FSCN3: variants seen among roughly 807,000 people sequenced by gnomAD.
FSCN3 encodes fascin actin-bundling protein 3, also known as fascin-3.
In FSCN3, 43 loss-of-function variants were observed where a neutral mutation model predicts 53.5. The ratio of observed to expected loss-of-function variants is 0.80; its 90% CI spans 0.63 to 1.04. The LOEUF (loss-of-function observed/expected upper bound fraction) is 1.04, where lower values mean the gene tolerates loss of function less well. Among genes scored for constraint, FSCN3 ranks in the 50% least tolerant of loss-of-function variants. The probability of loss-of-function intolerance (pLI) is 0.00; values close to 1 mark genes in which losing one functional copy is unlikely to be tolerated. For missense variants in FSCN3, 594 were observed against 646.5 expected, an observed-to-expected ratio of 0.92 and a Z score of 0.88; for synonymous variants, 235 against 246.6, an observed-to-expected ratio of 0.95 and a Z score of 0.44.
rs774950391 is a variant in FSCN3, at chr7:127,595,250, C to T, written c.145-57C>T. 21 of 1,498,098 alleles carry T rather than the reference C, an allele frequency of 1.4e-5. 1 individual carries two copies. In the East Asian group the frequency reaches 4.5e-4, roughly 32 times the overall value. 92.8% of individuals were successfully genotyped at this position (1,498,098 alleles called of 1,614,324 possible). A position where few individuals can be genotyped will look rare whatever the true frequency, so the allele number is the denominator to read the frequency against. ...ACCAGCCATGACAGTTGCAGGGCTCCTTGGTCTGGTAACTTCGTGATACTG... is the reference window on the plus strand; with the variant it reads ...ACCAGCCATGACAGTTGCAGGGCTCTTTGGTCTGGTAACTTCGTGATACTG... On this transcript the variant is annotated intron_variant, in intron 1 of 6. Coordinates refer to ENST00000265825, the MANE Select transcript of FSCN3 (RefSeq NM_020369.3).
intron 1 of FSCN3, 102 bp from the exon 2 acceptor site, chr7:127,595,205 G>A: frequency 1.0e-6 from 1 of 968,708 alleles, no homozygotes; most frequent in Non-Finnish European, 1.5e-6. Context: ...GGCTGGTGCT[G>A]ATGAAGGTGC....
chr7:127,597,627 C>T (rs753640760), intron 3 of FSCN3, among the ~76,000 whole-genome samples: 11 of 151,964 alleles, frequency 7.2e-5, no homozygotes, highest in Non-Finnish European at 1.6e-4. Context: ...TACAGGCATG[C>T]GCCACCATGC....
chr7:127,594,886 G>T, intron 1 of FSCN3: 1 of 475,006 alleles, frequency 2.1e-6, no homozygotes, highest in African/African-American at 2.0e-5. Flanking sequence ...GTCTTGCCAT[G>T]CTGGAAGGCA....
In FSCN3 at chr7:127,596,448, T is replaced by TCTCACCTGGGATA; in HGVS notation, c.960+2_960+3insCTCACCTGGGATA. On this transcript the variant is annotated splice_region_variant and intron_variant, in intron 3 of 6. Coordinates refer to ENST00000265825, the MANE Select transcript of FSCN3 (RefSeq NM_020369.3). Reference sequence around the variant, plus strand: ...GCCAATGGCTACTACCTATCCCAGGTGAGACCTTGGCTTCCTGAGCAAGAG... The same window carrying TCTCACCTGGGATA: ...GCCAATGGCTACTACCTATCCCAGGTCTCACCTGGGATAGAGACCTTGGCTTCCTGAGCAAGAG... The TCTCACCTGGGATA allele has an allele frequency of 7.0e-7, 1 of 1,423,504 alleles. No homozygotes were observed. Among genetic ancestry groups the TCTCACCTGGGATA allele is most frequent in the Non-Finnish European group, 9.9e-7 (1 of 1,006,904 alleles). 88.2% of individuals were successfully genotyped at this position (1,423,504 alleles called of 1,614,324 possible).
chr7:127,601,371 T>A (rs1794472890), intron 6 of FSCN3, among the ~76,000 whole-genome samples: 1 of 152,240 alleles, frequency 6.6e-6, no homozygotes, highest in African/African-American at 2.4e-5. Flanking sequence ...CCCTTCCTAA[T>A]GGACCTCACT....
At chr7:127,598,342 A>T (rs1794421426) in intron 3 of FSCN3, 93 bp from the exon 4 acceptor site, 2 of 1,166,620 alleles carry the variant, frequency 1.7e-6, no homozygotes, top group Admixed American at 3.5e-5. Flanking sequence ...GATGAGTGGG[A>T]TGTGGGAAGA....
chr7:127,594,512 G>A (rs111384868), intron 1 of FSCN3: 1 of 470,778 alleles, frequency 2.1e-6, no homozygotes, highest in Non-Finnish European at 4.4e-6. Flanking sequence ...GGTTGTGTCA[G>A]AAAGAAGAGA....
intron 5 of FSCN3, 73 bp downstream of exon 5, chr7:127,599,624 G>T: frequency 7.1e-7 from 1 of 1,410,874 alleles, no homozygotes; most frequent in Non-Finnish European, 9.8e-7. Flanking sequence ...AGACTTCAGG[G>T]CCTGCCACTC....
rs756601854 is a variant in FSCN3, at chr7:127,595,576, C to A, written c.414C>A (p.Pro138=). Residue 138 remains proline (P), a synonymous_variant, in exon 2 of 7, where the codon CCC becomes CCA. Coordinates refer to ENST00000265825, the MANE Select transcript of FSCN3 (RefSeq NM_020369.3). ...HVLSAYHMWT[P]RPALHVHVIL... ...TCTCAGCTTACCACATGTGGACCCC[C>A]CGACCAGCCCTCCATGTCCACGTGA... is the stretch of plus-strand genomic sequence containing the variant. 3.1e-6 allele frequency: 5 copies of A among 1,614,080 alleles called. No homozygotes were observed. The South Asian group carries it at 4.4e-5, about 14-fold the overall frequency.
In FSCN3 at chr7:127,595,575, C is replaced by T. The variant is rs746225861; in HGVS notation, c.413C>T (p.Pro138Leu). Residue 138 changes from proline (P) to leucine (L), a missense_variant, in exon 2 of 7, where the codon CCC becomes CTC. Coordinates refer to ENST00000265825, the MANE Select transcript of FSCN3 (RefSeq NM_020369.3). ...HVLSAYHMWT[P>L]RPALHVHVIL... The stretch of plus-strand genomic sequence containing the variant: ...CTCTCAGCTTACCACATGTGGACCC[C>T]CCGACCAGCCCTCCATGTCCACGTG... The T allele has an allele frequency of 2.5e-6, 4 of 1,614,068 alleles. No individual in the cohort carries two copies. The African/African-American group carries it at 4.0e-5, about 16-fold the overall frequency.
chr7:127,596,574 C>A, intron 3 of FSCN3, 128 bp downstream of exon 3: 3 of 471,700 alleles, frequency 6.4e-6, no homozygotes, highest in South Asian at 5.0e-5. Context: ...TGTTGATAAA[C>A]ATTCATTTTC....
Position 127,599,466 on chromosome 7 carries a change from G to A in FSCN3, c.1206G>A (p.Ser402=), listed in dbSNP as rs146973835. 14 of 1,613,972 alleles carry A rather than the reference G, an allele frequency of 8.7e-6. No individual in the cohort carries two copies. Among genetic ancestry groups the A allele is most frequent in the African/African-American group, 1.3e-5 (1 of 74,992 alleles). The part of the protein sequence containing the change: ...RGRYGYVGSS[S]GHDLIQCNQD... ...GTTATGGCTATGTGGGCTCCTCATC[G>A]GGCCATGACCTCATACAGTGCAACC... The change falls in exon 5 of 7, where the codon TCG becomes TCA. Residue 402 remains serine (S), a synonymous_variant. Transcript: ENST00000265825.
At position 127,594,067 on chromosome 7, in the gene FSCN3, CGCGTGTGTGT is replaced by C; in HGVS notation, c.144+76_144+85del. 7.3e-6 allele frequency: 11 copies of C among 1,513,484 alleles called. No individual in the cohort carries two copies. The South Asian group carries it at 1.1e-4, about 15-fold the overall frequency. 93.8% of individuals were successfully genotyped at this position (1,513,484 alleles called of 1,614,324 possible). ...AGCTGTGTGTGTGTGTGTGCGCGCG[CGCGTGTGTGT>C]GCGTGAGTGTATGTGTGTGTGTGTG... On this transcript the variant is annotated intron_variant, in intron 1 of 6. Coordinates refer to ENST00000265825, the MANE Select transcript of FSCN3 (RefSeq NM_020369.3).
In FSCN3 at chr7:127,599,429, T is replaced by C. The variant is rs188307221; in HGVS notation, c.1169T>C (p.Val390Ala). ...TTATTTGCCAATCGCTCCTTCCTTG[T>C]ATTGCGAGGTCGTTATGGCTATGTG... is the stretch of plus-strand genomic sequence containing the variant. ...GILFANRSFL[V>A]LRGRYGYVGS... Residue 390 changes from valine (V) to alanine (A), a missense_variant, in exon 5 of 7, where the codon GTA becomes GCA. By Grantham distance (64) the Val-to-Ala change is moderately conservative (BLOSUM62 0). Transcript: ENST00000265825. The C allele has an allele frequency of 1.2e-5, 19 of 1,614,026 alleles. No homozygotes were observed. The highest frequency in any genetic ancestry group is 1.6e-4 in the Middle Eastern group (1 of 6,062).
chr7:127,596,144 A>T, intron 2 of FSCN3, 141 bp downstream of exon 2: 1 of 1,494,394 alleles, frequency 6.7e-7, no homozygotes, highest in Non-Finnish European at 8.9e-7. Flanking sequence ...TGTGCCATCG[A>T]GAAGGACAGA....
At chr7:127,599,969 G>A (rs1794448231) in intron 5 of FSCN3, among the ~76,000 whole-genome samples, 1 of 151,226 alleles carries the variant, frequency 6.6e-6, no homozygotes. Flanking sequence ...AGGAAAAACA[G>A]GACCTCTGTT....
intron 6 of FSCN3, 25 bp downstream of exon 6, chr7:127,600,424 G>A: frequency 7.1e-7 from 1 of 1,408,706 alleles, no homozygotes; most frequent in Non-Finnish European, 1.0e-6. Context: ...CAGGTAAGGG[G>A]CTAGGGGAGC....
chr7:127,597,444 T>C (rs1317877641), intron 3 of FSCN3, among the ~76,000 whole-genome samples: 1 of 152,160 alleles, frequency 6.6e-6, no homozygotes, highest in Non-Finnish European at 1.5e-5. Context: ...TTTATGGATT[T>C]AATTCACATT....
intron 6 of FSCN3, among the ~76,000 whole-genome samples, chr7:127,600,805 C>G (rs1226534486): frequency 6.6e-6 from 1 of 152,196 alleles, no homozygotes; most frequent in Non-Finnish European, 1.5e-5. Flanking sequence ...CCTTCTATCC[C>G]TACCTCTTGG....
Sources: allele counts gnomAD v4.1 joint callset (sites outside exome capture counted in the v4.1 genomes callset), GRCh38; gene constraint gnomAD v4.1.1; transcripts MANE v1.5; gene names NCBI Gene and HGNC (gene_info 2026-07-23, HGNC 2026-07-21).